NABP2: variants seen among roughly 807,000 people sequenced by gnomAD.
NABP2 encodes SOSS complex subunit B1.
A neutral mutation model predicts 22.7 loss-of-function variants in NABP2; 7 were observed. The ratio of observed to expected loss-of-function variants is 0.31; its 90% confidence interval spans 0.18 to 0.58. The LOEUF (loss-of-function observed/expected upper bound fraction) is 0.58. Among genes scored for constraint, NABP2 ranks in the 20% least tolerant of loss-of-function variants. The pLI is 0.89. For synonymous variants in NABP2, 107 were observed against 99.2 expected (o/e 1.08, Z -0.47); for missense variants, 188 against 265.9 (o/e 0.71, Z 2.04).
intron 6 of NABP2, 42 bp downstream of exon 6, chr12:56,226,461 C>T (rs1436938570): frequency 6.5e-7 from 1 of 1,546,358 alleles, no homozygotes; most frequent in East Asian, 2.2e-5. Context: ...CCTAGCTCTC[C>T]CACTCTCCTC....
In NABP2 at chr12:56,229,365, A is replaced by G. The variant is rs886397203; in HGVS notation, c.*152A>G. 9.5e-6 allele frequency: 7 copies of G among 739,566 alleles called. No homozygotes were observed. The African/African-American group carries it at 1.1e-4, about 11-fold the overall frequency. The allele number at this position is 739,566 out of a possible 1,614,324, so 45.8% of individuals were successfully genotyped here. On this transcript the variant is annotated 3_prime_UTR_variant, in exon 7 of 7. Coordinates refer to ENST00000267023, the MANE Select transcript of NABP2 (RefSeq NM_024068.4). ...GTGTCCTTATCCACCCTAATCTCATACTCCCTCATTGTCCAGCTGAACTAC... is the reference window on the plus strand; with the variant it reads ...GTGTCCTTATCCACCCTAATCTCATGCTCCCTCATTGTCCAGCTGAACTAC...
At position 56,224,347 on chromosome 12, in the gene NABP2, C is replaced by G. The variant is rs985660055; in HGVS notation, c.-118C>G. 3.0e-6 allele frequency: 3 copies of G among 987,726 alleles called. No homozygotes were observed. Among genetic ancestry groups the G allele is most frequent in the African/African-American group, 3.5e-5 (2 of 57,276 alleles). The allele number at this position is 987,726 out of a possible 1,614,324, so 61.2% of individuals were successfully genotyped here. A position where few individuals can be genotyped will look rare whatever the true frequency, so the allele number is the denominator to read the frequency against. On this transcript the variant is annotated 5_prime_UTR_variant, in exon 1 of 7. Coordinates refer to ENST00000267023, the MANE Select transcript of NABP2 (RefSeq NM_024068.4). ...GGAAACTTCCGGGAATGTCCGCACT[C>G]CCGCGTTCCACGGGGCAGCATCCGG...
chr12:56,229,234 C>T lies in NABP2; in HGVS notation c.*21C>T. The T allele has an allele frequency of 6.2e-7, 1 of 1,611,260 alleles. No homozygotes were observed. The highest frequency in any genetic ancestry group is 1.1e-5 in the South Asian group (1 of 90,934). On this transcript the variant is annotated 3_prime_UTR_variant, in exon 7 of 7. Coordinates refer to ENST00000267023, the MANE Select transcript of NABP2 (RefSeq NM_024068.4). Reference sequence around the variant, plus strand: ...GATAGCATGACATTCTTTCTTCCTGCCACCAACCACATCCCAAGTGTCCCC... The same window carrying T: ...GATAGCATGACATTCTTTCTTCCTGTCACCAACCACATCCCAAGTGTCCCC...
intron 3 of NABP2, 41 bp from the exon 4 acceptor site, chr12:56,225,583 C>T (rs1869720760): frequency 6.2e-7 from 1 of 1,614,012 alleles, no homozygotes; most frequent in Non-Finnish European, 8.5e-7. Flanking sequence ...GTCCCTATAA[C>T]ACTTCTGAGT....
chr12:56,224,540 G>C lies in NABP2; in HGVS notation c.-24+99G>C, dbSNP rs972824629. The C allele has an allele frequency of 1.4e-5, 17 of 1,185,802 alleles. No individual in the cohort carries two copies. The African/African-American group carries it at 2.5e-4, about 17-fold the overall frequency. 73.5% of individuals were successfully genotyped at this position (1,185,802 alleles called of 1,614,324 possible). A position where few individuals can be genotyped will look rare whatever the true frequency, so the allele number is the denominator to read the frequency against. Reference sequence around the variant, plus strand: ...CTGGCCAGTAAGATTCTACTCCCTGGCTGTGCACCGGGTTCCCTACCCCTG... The same window carrying C: ...CTGGCCAGTAAGATTCTACTCCCTGCCTGTGCACCGGGTTCCCTACCCCTG... On this transcript the variant is annotated intron_variant, in intron 1 of 6. Transcript: ENST00000267023.
chr12:56,223,246 T>G (rs1869585649), upstream of NABP2, among the ~76,000 whole-genome samples: 1 of 150,824 alleles, frequency 6.6e-6, no homozygotes, highest in African/African-American at 2.4e-5. Context: ...TTTGCCGGGG[T>G]GGAGCGGTGG....
rs1870011807 is a variant in NABP2, at chr12:56,229,513, T to G, written c.*300T>G. ...ACTTTGGGAAGCCGAGGTGGGCGGATCACCTGAGGTCGGGAGTTCAAGACC... is the reference window on the plus strand; with the variant it reads ...ACTTTGGGAAGCCGAGGTGGGCGGAGCACCTGAGGTCGGGAGTTCAAGACC... On this transcript the variant is annotated 3_prime_UTR_variant, in exon 7 of 7. Coordinates refer to ENST00000267023, the MANE Select transcript of NABP2 (RefSeq NM_024068.4). 2.8e-6 allele frequency: 1 copy of G among 358,810 alleles called. No homozygotes were observed. Among genetic ancestry groups the G allele is most frequent in the Non-Finnish European group, 5.3e-6 (1 of 190,088 alleles). 22.2% of individuals were successfully genotyped at this position (358,810 alleles called of 1,614,324 possible).
rs527620783 is a variant in NABP2, at chr12:56,229,287, T to G, written c.*74T>G. On this transcript the variant is annotated 3_prime_UTR_variant, in exon 7 of 7. Coordinates refer to ENST00000267023, the MANE Select transcript of NABP2 (RefSeq NM_024068.4). The stretch of plus-strand genomic sequence containing the variant: ...GAGAGCAAGATAGCCTTCCACTGAT[T>G]GGCTGGTGTAGCAGTATTTTAGCCA... 3 of 1,519,960 alleles carry G rather than the reference T, an allele frequency of 2.0e-6. No individual in the cohort carries two copies. The African/African-American group carries it at 4.1e-5, about 21-fold the overall frequency. The allele number at this position is 1,519,960 out of a possible 1,614,324, so 94.2% of individuals were successfully genotyped here.
intron 6 of NABP2, among the ~76,000 whole-genome samples, chr12:56,227,466 C>T (rs914050929): frequency 5.3e-5 from 8 of 152,062 alleles, no homozygotes; most frequent in African/African-American, 1.7e-4. Flanking sequence ...CCTCTGCCTT[C>T]ATATAACAAA....
chr12:56,227,378 A>G (rs563970687), intron 6 of NABP2, among the ~76,000 whole-genome samples: 1 of 151,974 alleles, frequency 6.6e-6, no homozygotes, highest in South Asian at 2.1e-4. Flanking sequence ...TTTCTCAAAA[A>G]AAAAAAAAAA....
At chr12:56,228,634 C>T (rs868364544) in intron 6 of NABP2, among the ~76,000 whole-genome samples, 20 of 152,018 alleles carry the variant, frequency 1.3e-4, no homozygotes, top group African/African-American at 3.1e-4. Flanking sequence ...GATCCACCCG[C>T]GTCAGCCTCC....
chr12:56,226,533 C>T, intron 6 of NABP2, 114 bp downstream of exon 6: 2 of 831,588 alleles, frequency 2.4e-6, no homozygotes, highest in East Asian at 5.1e-5. Flanking sequence ...AGTGTATCCT[C>T]CTTCACCCAA....
At chr12:56,225,945 G>A (rs536705356) in intron 4 of NABP2, among the ~76,000 whole-genome samples, 5 of 152,150 alleles carry the variant, frequency 3.3e-5, no homozygotes, top group South Asian at 2.1e-4. Flanking sequence ...GACTACAGGC[G>A]TGCTTCACCA....
chr12:56,225,839 G>A lies in NABP2; in HGVS notation c.290+144G>A, dbSNP rs144253573. 1.6e-3 allele frequency: 1,583 copies of A among 962,978 alleles called. 19 individuals carry two copies. In the African/African-American group the frequency reaches 0.018, roughly 11 times the overall value. The allele number at this position is 962,978 out of a possible 1,614,324, so 59.7% of individuals were successfully genotyped here. On this transcript the variant is annotated intron_variant, in intron 4 of 6. Coordinates refer to ENST00000267023, the MANE Select transcript of NABP2 (RefSeq NM_024068.4). The stretch of plus-strand genomic sequence containing the variant: ...TTTGTTTTGAGAAACAGTCTCTGTC[G>A]CTCAGGCTGGAGTACAGTGGCATGA...
chr12:56,228,333 C>T (rs915514335), intron 6 of NABP2, among the ~76,000 whole-genome samples: 2 of 151,732 alleles, frequency 1.3e-5, no homozygotes, highest in South Asian at 2.1e-4. Context: ...AGACTTCAGG[C>T]CCTTCCCCTT....
At chr12:56,225,031 G>A in intron 2 of NABP2, 96 bp downstream of exon 2, 2 of 941,884 alleles carry the variant, frequency 2.1e-6, no homozygotes, top group South Asian at 1.4e-5. Context: ...GGGATGGCAA[G>A]GCAAGCTGCA....
At chr12:56,226,671 T>C (rs1171348720) in intron 6 of NABP2, among the ~76,000 whole-genome samples, 1 of 144,216 alleles carries the variant, frequency 6.9e-6, no homozygotes, top group Non-Finnish European at 1.5e-5. Context: ...GTTCAAGTGA[T>C]TCTCCTGCCT....
At chr12:56,228,972 TATGTTA>T (rs964693301) in intron 6 of NABP2, 36 bp from the exon 7 acceptor site, 1 of 1,564,562 alleles carries the variant, frequency 6.4e-7, no homozygotes, top group African/African-American at 1.4e-5. Flanking sequence ...ACCCCTCTCC[TATGTTA>T]ACTAATTCCT....
upstream of NABP2, among the ~76,000 whole-genome samples, chr12:56,224,068 C>T (rs1164630932): frequency 6.6e-6 from 1 of 152,226 alleles, no homozygotes; most frequent in Non-Finnish European, 1.5e-5. Context: ...CATTGTGTCA[C>T]TCTTTGGAAA....
Sources: allele counts gnomAD v4.1 joint callset (sites outside exome capture counted in the v4.1 genomes callset), GRCh38; gene constraint gnomAD v4.1.1; transcripts MANE v1.5; gene names NCBI Gene and HGNC (gene_info 2026-07-23, HGNC 2026-07-21).